The following CCDC63 variants were observed in gnomAD, a reference collection of about 807,000 sequenced individuals.
CCDC63 encodes coiled-coil domain containing 63.
In CCDC63, 54 loss-of-function variants were observed where a neutral mutation model predicts 63.6. The observed-to-expected ratio is 0.85, with a 90% CI of 0.68 to 1.07. The LOEUF (loss-of-function observed/expected upper bound fraction) is 1.07, where lower values mean the gene tolerates loss of function less well. Ranked by LOEUF, CCDC63 falls within the 50% of genes least tolerant of loss-of-function variation. The pLI, the probability that CCDC63 is intolerant of heterozygous loss-of-function variation, is 0.00. For missense variants in CCDC63, 637 were observed against 689.6 expected (o/e 0.92, Z 0.86); for synonymous variants, 253 against 266.1 (o/e 0.95, Z 0.48).
chr12:110,849,560 G>A (rs1013631188), intron 1 of CCDC63, among the ~76,000 whole-genome samples: 3 of 145,644 alleles, frequency 2.1e-5, no homozygotes, highest in African/African-American at 5.1e-5. Context: ...GTGCAGTGGT[G>A]CGATCTCAGC....
At chr12:110,884,961 A>G (rs2071260182) in intron 8 of CCDC63, among the ~76,000 whole-genome samples, 2 of 151,566 alleles carry the variant, frequency 1.3e-5, no homozygotes, top group African/African-American at 4.9e-5. Flanking sequence ...AGCCTCCCAA[A>G]GTGCTGGGAT....
intron 10 of CCDC63, among the ~76,000 whole-genome samples, chr12:110,902,912 TCGC>T: frequency 6.8e-6 from 1 of 146,634 alleles, no homozygotes. Context: ...AGATGGAGTC[TCGC>T]TCTGTCACCC....
chr12:110,860,100 T>C (rs998982832), intron 4 of CCDC63, among the ~76,000 whole-genome samples: 21 of 152,190 alleles, frequency 1.4e-4, no homozygotes, highest in African/African-American at 5.1e-4. Context: ...GGTGTGGGCA[T>C]GAGCATGAGT....
rs752278124 is a variant in CCDC63 at position 110,879,933 on chromosome 12, A to T, written c.517A>T (p.Thr173Ser). 6.2e-7 allele frequency: 1 copy of T among 1,614,196 alleles called. No homozygotes were observed. The highest frequency in any genetic ancestry group is 8.5e-7 in the Non-Finnish European group (1 of 1,180,018). ...CACTGTTCACTTTGACAAGATGCTG[A>T]CCACTAATGCCAAGCTCCGGAAGGA... ...LVTVHFDKML[T>S]TNAKLRKEIE... is the part of the protein sequence containing the mutation. The change falls in exon 6 of 12, where the codon ACC (threonine) becomes TCC (serine). Residue 173 changes from threonine (T) to serine (S), a missense_variant. Coordinates refer to ENST00000308208, the MANE Select transcript of CCDC63 (RefSeq NM_152591.3).
chr12:110,905,639 A>C (rs11065764), intron 11 of CCDC63, among the ~76,000 whole-genome samples: 9,444 of 151,456 alleles, frequency 0.062, 430 homozygotes, highest in East Asian at 0.21. Flanking sequence ...AAGCAGCCCC[A>C]AAAATAAGGC....
chr12:110,869,504 C>T (rs1246819370), intron 4 of CCDC63, among the ~76,000 whole-genome samples: 1 of 152,082 alleles, frequency 6.6e-6, no homozygotes, highest in African/African-American at 2.4e-5. Context: ...TTCTCTAAGG[C>T]CTTCTGGGAC....
At chr12:110,874,329 C>T (rs2136685258) in intron 5 of CCDC63, among the ~76,000 whole-genome samples, 1 of 152,258 alleles carries the variant, frequency 6.6e-6, no homozygotes, top group Non-Finnish European at 1.5e-5. Context: ...TAGCCAGTGC[C>T]TTTTTGTTGT....
rs547775933 is a variant in CCDC63 at position 110,881,311 on chromosome 12, A to G, written c.853+15A>G. The G allele has an allele frequency of 6.2e-4, 998 of 1,608,918 alleles. 23 individuals carry two copies. The South Asian group carries it at 0.01, about 17-fold the overall frequency. On this transcript the variant is annotated intron_variant, in intron 7 of 11. Transcript: ENST00000308208. ...AAGGGAGGAAGGTACACCCTCCAGG[A>G]GCAAGCTTGTGCTCTCTCACTCTCT...
At chr12:110,886,146 G>T (rs2071275986) in intron 8 of CCDC63, among the ~76,000 whole-genome samples, 1 of 152,142 alleles carries the variant, frequency 6.6e-6, no homozygotes, top group South Asian at 2.1e-4. Flanking sequence ...CAGCACTTTG[G>T]GAGGCCGAGG....
At chr12:110,903,130 G>C in intron 10 of CCDC63, among the ~76,000 whole-genome samples, 1 of 151,998 alleles carries the variant, frequency 6.6e-6, no homozygotes. Flanking sequence ...ACCCGCCTTG[G>C]CTTCCCAGAG....
chr12:110,859,742 C>T (rs546108178), intron 4 of CCDC63, among the ~76,000 whole-genome samples: 9 of 152,162 alleles, frequency 5.9e-5, no homozygotes, highest in East Asian at 5.8e-4. Flanking sequence ...CAAAGGGGTC[C>T]GGGAAGGGCC....
intron 3 of CCDC63, 128 bp downstream of exon 3, chr12:110,853,702 C>T (rs1255671257): frequency 2.1e-5 from 20 of 970,564 alleles, no homozygotes; most frequent in Non-Finnish European, 3.1e-5. Flanking sequence ...TTGGAGGATC[C>T]ACGGTCTTTT....
chr12:110,880,601 G>A (rs950788342), intron 6 of CCDC63, among the ~76,000 whole-genome samples: 8 of 150,630 alleles, frequency 5.3e-5, no homozygotes, highest in Admixed American at 4.7e-4. Flanking sequence ...TCTTTAGATG[G>A]TAAAGAGGAT....
Position 110,873,911 on chromosome 12 carries a change from C to G in CCDC63, c.439C>G (p.Pro147Ala). 1.2e-6 allele frequency: 2 copies of G among 1,612,414 alleles called. No individual in the cohort carries two copies. Among genetic ancestry groups the G allele is most frequent in the Non-Finnish European group, 1.7e-6 (2 of 1,179,602 alleles). The change falls in exon 5 of 12, where the codon CCC (proline) becomes GCC (alanine). Residue 147 changes from proline to alanine, a missense_variant. Pro to Ala is a conservative substitution (Grantham distance 27). Transcript: ENST00000308208. ...IFAKMQEANN[P>A]RKLQKQIHIL... ...CGCAAAAATGCAGGAGGCCAATAAC[C>G]CCCGGAAACTGCAGAAACAGATTCA...
At chr12:110,845,335 G>A (rs1566110773), upstream of CCDC63, among the ~76,000 whole-genome samples, 1 of 152,132 alleles carries the variant, frequency 6.6e-6, no homozygotes, top group Non-Finnish European at 1.5e-5. Flanking sequence ...AGCTTGCAGG[G>A]CTGCTCAGAT....
At chr12:110,849,331 CAGTT>C (rs1293979412) in intron 1 of CCDC63, among the ~76,000 whole-genome samples, 1 of 152,136 alleles carries the variant, frequency 6.6e-6, no homozygotes, top group African/African-American at 2.4e-5. Context: ...CCAACAGTGT[CAGTT>C]AGAACCTAAA....
chr12:110,866,978 CGGCTGGCCGGGCGGGGGGCTG>C (rs2070961376), intron 4 of CCDC63, among the ~76,000 whole-genome samples: 13 of 137,290 alleles, frequency 9.5e-5, no homozygotes, highest in African/African-American at 3.5e-4. Context: ...CCGGACGGGG[CGGCTGGCCGGGCGGGGGGCTG>C]ACCCCCCCAC....
upstream of CCDC63, chr12:110,846,061 CA>C (rs2070634117): frequency 6.6e-6 from 1 of 151,832 alleles, no homozygotes; most frequent in Non-Finnish European, 1.5e-5. Flanking sequence ...CTCAGCCTCC[CA>C]AAGTGCTAGG....
chr12:110,855,669 C>T (rs889709144), intron 3 of CCDC63, among the ~76,000 whole-genome samples: 3 of 152,158 alleles, frequency 2.0e-5, no homozygotes, highest in Admixed American at 2.0e-4. Context: ...GCAACCTGTG[C>T]CTCCTGGGTT....
Sources: allele counts gnomAD v4.1 joint callset (sites outside exome capture counted in the v4.1 genomes callset), GRCh38; gene constraint gnomAD v4.1.1; transcripts MANE v1.5; gene names NCBI Gene and HGNC (gene_info 2026-07-23, HGNC 2026-07-21).